RAP1GDS1: variants seen among roughly 807,000 people sequenced by gnomAD.
RAP1GDS1 encodes RAP1, GTP-GDP dissociation stimulator 1.
In RAP1GDS1, 35 loss-of-function variants were observed where a neutral mutation model predicts 71.1. The observed-to-expected ratio is 0.49, with a 90% CI of 0.38 to 0.65. The LOEUF is 0.65. Among genes scored for constraint, RAP1GDS1 ranks in the 30% least tolerant of loss-of-function variants. The pLI is 0.00. For synonymous variants in RAP1GDS1, 229 were observed against 243.1 expected, an observed-to-expected ratio of 0.94 and a Z score of 0.54; for missense variants, 663 against 706.1, an observed-to-expected ratio of 0.94 and a Z score of 0.69.
intron 1 of RAP1GDS1, among the ~76,000 whole-genome samples, chr4:98,288,220 C>G (rs575399328): frequency 6.6e-6 from 1 of 152,158 alleles, no homozygotes; most frequent in South Asian, 2.1e-4. Flanking sequence ...TGTGATGTTC[C>G]CCTTCCTGTG....
At chr4:98,294,189 TTTG>T (rs1029570229) in intron 2 of RAP1GDS1, among the ~76,000 whole-genome samples, 53 of 152,064 alleles carry the variant, frequency 3.5e-4, no homozygotes, top group Non-Finnish European at 1.2e-4. Flanking sequence ...GTGATTTTCA[TTTG>T]TTATCTTAAT....
At chr4:98,346,157 G>A (rs1462421058) in intron 3 of RAP1GDS1, among the ~76,000 whole-genome samples, 2 of 152,162 alleles carry the variant, frequency 1.3e-5, no homozygotes, top group Admixed American at 1.3e-4. Flanking sequence ...CCACGTTTCA[G>A]TATAAAGCAG....
intron 12 of RAP1GDS1, among the ~76,000 whole-genome samples, chr4:98,428,475 A>G (rs886430393): frequency 3.3e-5 from 5 of 152,216 alleles, no homozygotes; most frequent in African/African-American, 1.2e-4. Flanking sequence ...TAATATCCAG[A>G]ATCTACAATA....
At chr4:98,273,786 T>G (rs1298014564) in intron 1 of RAP1GDS1, among the ~76,000 whole-genome samples, 1 of 152,176 alleles carries the variant, frequency 6.6e-6, no homozygotes, top group Non-Finnish European at 1.5e-5. Context: ...TTGTTTTGTT[T>G]TTTTTCCCAA....
intron 4 of RAP1GDS1, among the ~76,000 whole-genome samples, chr4:98,360,130 A>G (rs1248981957): frequency 6.6e-6 from 1 of 152,218 alleles, no homozygotes; most frequent in Non-Finnish European, 1.5e-5. Flanking sequence ...AGGACAAAGA[A>G]CACATATTAC....
intron 7 of RAP1GDS1, among the ~76,000 whole-genome samples, chr4:98,406,931 A>T (rs1234768627): frequency 1.3e-5 from 2 of 152,162 alleles, no homozygotes; most frequent in Admixed American, 1.3e-4. Context: ...TTTTTCTAGT[A>T]GTGAAAATGA....
At chr4:98,321,273 A>G (rs1368886866) in intron 2 of RAP1GDS1, among the ~76,000 whole-genome samples, 1 of 148,912 alleles carries the variant, frequency 6.7e-6, no homozygotes, top group Non-Finnish European at 1.5e-5. Context: ...GGACTATGTG[A>G]AAAGACCAAA....
chr4:98,282,757 A>AG (rs1725337201), intron 1 of RAP1GDS1, among the ~76,000 whole-genome samples: 1 of 152,098 alleles, frequency 6.6e-6, no homozygotes, highest in Non-Finnish European at 1.5e-5. Flanking sequence ...GTGGGCATTT[A>AG]GTGCTATACA....
chr4:98,278,793 G>T (rs1345439253), intron 1 of RAP1GDS1, among the ~76,000 whole-genome samples: 2 of 152,182 alleles, frequency 1.3e-5, no homozygotes, highest in African/African-American at 4.8e-5. Context: ...TTCAAGCTCA[G>T]TTACCTCATA....
chr4:98,365,941 A>G (rs543102040), intron 4 of RAP1GDS1, among the ~76,000 whole-genome samples: 69 of 152,240 alleles, frequency 4.5e-4, no homozygotes, highest in Non-Finnish European at 9.0e-4. Context: ...GTGACCAGAG[A>G]AACCTTAACG....
At chr4:98,419,892 C>A in intron 10 of RAP1GDS1, 127 bp from the exon 11 acceptor site, 1 of 1,025,400 alleles carries the variant, frequency 9.8e-7, no homozygotes, top group Non-Finnish European at 1.3e-6. Flanking sequence ...AAAAAAGTGA[C>A]AAGATTGTTT....
At chr4:98,372,960 G>T (rs999393069) in intron 4 of RAP1GDS1, among the ~76,000 whole-genome samples, 14 of 152,200 alleles carry the variant, frequency 9.2e-5, no homozygotes, top group African/African-American at 3.4e-4. Context: ...AAAGTGCTGA[G>T]ATTATAGGCG....
intron 2 of RAP1GDS1, among the ~76,000 whole-genome samples, chr4:98,299,370 G>A (rs1208169619): frequency 2.6e-5 from 4 of 152,152 alleles, no homozygotes; most frequent in African/African-American, 9.7e-5. Context: ...ATAAACATAC[G>A]TGTGCATGTG....
At chr4:98,270,858 A>G (rs147824697) in intron 1 of RAP1GDS1, among the ~76,000 whole-genome samples, 3 of 152,206 alleles carry the variant, frequency 2.0e-5, no homozygotes, top group Admixed American at 2.0e-4. Flanking sequence ...TGACTATAAT[A>G]AGGATGAAGA....
chr4:98,350,091 T>C (rs1164381339), intron 3 of RAP1GDS1, among the ~76,000 whole-genome samples: 3 of 152,212 alleles, frequency 2.0e-5, no homozygotes, highest in African/African-American at 7.2e-5. Flanking sequence ...TTTTCTGTAA[T>C]TATTTACCCT....
rs1268033717 is a variant in RAP1GDS1, at chr4:98,421,342, T to G, written c.1388T>G (p.Met463Arg). 1 of 1,610,770 alleles carries G rather than the reference T, an allele frequency of 6.2e-7. No homozygotes were observed. The change falls in exon 12 of 15, where the codon ATG (methionine) becomes AGG (arginine). Residue 463 changes from methionine (M) to arginine (R), a missense_variant. Physicochemically the swap from Met to Arg is moderately conservative, Grantham distance 91. Transcript: ENST00000408927. ...WCEAKDHAGV[M>R]GESNRLLSAL... is the part of the protein sequence containing the mutation. The stretch of plus-strand genomic sequence containing the variant: ...GAAGCCAAAGATCATGCTGGTGTGA[T>G]GGGGGAGTCAAACAGACTGCTGTCT...
chr4:98,387,557 T>C, intron 5 of RAP1GDS1: 3 of 437,902 alleles, frequency 6.9e-6, no homozygotes, highest in South Asian at 4.8e-5. Flanking sequence ...TCTCTTTGTA[T>C]ATGCATCTGT....
intron 8 of RAP1GDS1, 90 bp downstream of exon 8, chr4:98,416,978 T>A: frequency 1.4e-6 from 2 of 1,395,470 alleles, no homozygotes; most frequent in Non-Finnish European, 2.0e-6. Flanking sequence ...CCTAGACATT[T>A]TCTCATATTC....
chr4:98,370,685 C>T (rs998014675), intron 4 of RAP1GDS1, among the ~76,000 whole-genome samples: 2 of 152,018 alleles, frequency 1.3e-5, no homozygotes, highest in African/African-American at 2.4e-5. Context: ...ATTCTCCTGC[C>T]TCAGCCTCCC....
Sources: gnomAD v4.1 joint callset for allele counts (sites outside exome capture counted in the v4.1 genomes callset) on GRCh38, gnomAD v4.1.1 for gene constraint, MANE v1.5 for transcripts, NCBI Gene and HGNC (gene_info 2026-07-23, HGNC 2026-07-21) for gene names.